Variants in MYH11 observed in about 807,000 individuals in gnomAD.
The protein encoded by MYH11 is myosin-11.
Under a neutral mutation model 246.6 loss-of-function variants are expected in MYH11, and 80 were observed. The observed-to-expected ratio is 0.32, with a 90% CI of 0.27 to 0.39. The LOEUF (loss-of-function observed/expected upper bound fraction) is 0.39. MYH11 is among the 10% of genes least tolerant of loss of function. MYH11 has a pLI of 1.00. For missense variants in MYH11, 2,158 were observed against 2,546.8 expected (o/e 0.85, Z 3.29); for synonymous variants, 1,071 against 1,015.5 (o/e 1.05, Z -1.04).
At chr16:15,773,290 A>T (rs867835266) in intron 8 of MYH11, among the ~76,000 whole-genome samples, 129 of 128,564 alleles carry the variant, frequency 1.0e-3, no homozygotes, top group East Asian at 1.8e-3. Context: ...TCCTCCAGCT[A>T]TTTTTTTTTT....
chr16:15,786,681 G>C lies in MYH11; in HGVS notation c.582C>G (p.Tyr194Ter). The change falls in exon 5 of 41, where the codon TAC (tyrosine) becomes TAG (stop). Residue 194 changes from tyrosine to a stop codon, truncating the protein, a stop_gained. Coordinates refer to ENST00000300036, the MANE Select transcript of MYH11 (RefSeq NM_002474.3). LOFTEE classifies it high-confidence loss of function. ...KTENTKKVIQYLAVVASSHKG... is the reference protein window; with the variant it reads ...KTENTKKVIQ ...TGTGGGAGGAGGCCACCACGGCCAG[G>C]TACTGAATGACCTTCTTGGTGTTTT... The C allele has an allele frequency of 6.2e-7, 1 of 1,614,164 alleles. No individual in the cohort carries two copies. Among genetic ancestry groups the C allele is most frequent in the Non-Finnish European group, 8.5e-7 (1 of 1,180,048 alleles).
At chr16:15,845,634 C>T (rs1189999820) in intron 1 of MYH11, among the ~76,000 whole-genome samples, 1 of 151,974 alleles carries the variant, frequency 6.6e-6, no homozygotes. Context: ...ATAGGAAATG[C>T]GGCAAAATAT....
At chr16:15,722,264 T>C (rs1463270966) in intron 31 of MYH11, among the ~76,000 whole-genome samples, 1 of 152,210 alleles carries the variant, frequency 6.6e-6, no homozygotes, top group Non-Finnish European at 1.5e-5. Flanking sequence ...GTTTGTTTCA[T>C]GGCCACAAGT....
intron 8 of MYH11, among the ~76,000 whole-genome samples, chr16:15,773,677 A>T (rs2042156987): frequency 6.6e-6 from 1 of 152,154 alleles, no homozygotes; most frequent in Non-Finnish European, 1.5e-5. Context: ...ATAAAGTTTT[A>T]TTGAAACACA....
intron 9 of MYH11, among the ~76,000 whole-genome samples, chr16:15,769,040 C>T (rs1002245756): frequency 1.5e-4 from 22 of 150,574 alleles, no homozygotes; most frequent in Non-Finnish European, 3.0e-4. Flanking sequence ...AGGCCAGGCA[C>T]GGTGGCTCAT....
chr16:15,831,000 CCT>C (rs2043721767), intron 2 of MYH11, among the ~76,000 whole-genome samples: 2 of 152,134 alleles, frequency 1.3e-5, no homozygotes, highest in Non-Finnish European at 2.9e-5. Flanking sequence ...GGCAAAACCC[CCT>C]CTCTACTAAA....
intron 2 of MYH11, among the ~76,000 whole-genome samples, chr16:15,833,703 G>A (rs1396742023): frequency 6.6e-6 from 1 of 152,156 alleles, no homozygotes; most frequent in Non-Finnish European, 1.5e-5. Context: ...CTTGCAGAAC[G>A]GAGGAGAAAG....
Position 15,718,495 on chromosome 16 carries a change from C to G in MYH11, c.5172-57G>C, listed in dbSNP as rs2040292409. Reference sequence around the variant, plus strand: ...TACCCTCCCCCGCCTTAAAAGATGCCCCCTCCTTGGAGTCATGCCTCAGGG... The same window carrying G: ...TACCCTCCCCCGCCTTAAAAGATGCGCCCTCCTTGGAGTCATGCCTCAGGG... On this transcript the variant is annotated intron_variant, in intron 36 of 40. Transcript: ENST00000300036. 1.8e-5 allele frequency: 27 copies of G among 1,534,710 alleles called. 2 individuals carry two copies. In the South Asian group the frequency reaches 3.1e-4, roughly 18 times the overall value.
At chr16:15,704,946 T>C (rs1283065994) in intron 40 of MYH11, among the ~76,000 whole-genome samples, 1 of 152,184 alleles carries the variant, frequency 6.6e-6, no homozygotes, top group Non-Finnish European at 1.5e-5. Context: ...CCCAAAGCGC[T>C]GGCATTACAG....
Position 15,750,160 on chromosome 16 carries a change from A to G in MYH11, c.2036T>C (p.Ile679Thr). Residue 679 changes from isoleucine to threonine, a missense_variant, in exon 16 of 41, where the codon ATC becomes ACC. Ile to Thr is a moderately conservative substitution (Grantham distance 89). Transcript: ENST00000300036. This position sits in a 1 kb window ranked among gnomAD's most constrained non-coding sequence, Gnocchi z 4.3. The stretch of plus-strand genomic sequence containing the variant: ...CACCCTCTTCTCGTGGTTGGGGATG[A>G]TGCAGCGCACGAAGTTGGGCGTGGT... ...RNTTPNFVRCIIPNHEKRSGK... is the reference protein window; with the variant it reads ...RNTTPNFVRCTIPNHEKRSGK... The G allele has an allele frequency of 1.9e-6, 3 of 1,614,194 alleles. No homozygotes were observed. Among genetic ancestry groups the G allele is most frequent in the Non-Finnish European group, 2.5e-6 (3 of 1,180,026 alleles).
chr16:15,760,814 G>C (rs911294398), intron 10 of MYH11, among the ~76,000 whole-genome samples, 156 bp from the exon 11 acceptor site: 1 of 152,184 alleles, frequency 6.6e-6, no homozygotes, highest in Admixed American at 6.5e-5. Context: ...TGTCCTAAAG[G>C]CTGCTGTCAT....
chr16:15,706,165 C>A (rs1013434567), intron 40 of MYH11, among the ~76,000 whole-genome samples: 5 of 152,080 alleles, frequency 3.3e-5, no homozygotes, highest in Admixed American at 6.6e-5. Flanking sequence ...AAAGCTGCAG[C>A]CACTTCAAAG....
At chr16:15,711,258 C>A (rs2039776496) in intron 40 of MYH11, 1 of 152,172 alleles carries the variant, frequency 6.6e-6, no homozygotes, top group Non-Finnish European at 1.5e-5. Flanking sequence ...TCCGGGCATG[C>A]CATCCGCTAA....
intron 6 of MYH11, among the ~76,000 whole-genome samples, chr16:15,779,928 C>T (rs2151300170): frequency 6.6e-6 from 1 of 152,306 alleles, no homozygotes; most frequent in African/African-American, 2.4e-5. Flanking sequence ...GGACACAATC[C>T]CCTAGGCTTG....
Position 15,724,263 on chromosome 16 carries a change from G to T in MYH11, c.4263C>A (p.Thr1421=), listed in dbSNP as rs779922185. ...KAAAYDKLEK[T]KNRLQQELDD... is the part of the protein sequence containing the mutation. ...CCAGCTCCTGCTGAAGCCTGTTCTT[G>T]GTCTTTTCCAGTTTATCATAAGCGG... The change falls in exon 31 of 41, where the codon ACC becomes ACA. Residue 1421 remains threonine (T), a synonymous_variant. Coordinates refer to ENST00000300036, the MANE Select transcript of MYH11 (RefSeq NM_002474.3). The T allele has an allele frequency of 1.2e-6, 2 of 1,614,168 alleles. No individual in the cohort carries two copies. Among genetic ancestry groups the T allele is most frequent in the Non-Finnish European group, 8.5e-7 (1 of 1,180,034 alleles).
chr16:15,766,476 A>G (rs1191024258), intron 9 of MYH11, among the ~76,000 whole-genome samples: 1 of 151,432 alleles, frequency 6.6e-6, no homozygotes, highest in Non-Finnish European at 1.5e-5. Context: ...GTTCAGGGGA[A>G]TTCTCCTGCC....
intron 3 of MYH11, among the ~76,000 whole-genome samples, chr16:15,801,166 A>ACTGCATGCCAGG (rs1212889002): frequency 2.6e-5 from 4 of 152,206 alleles, no homozygotes; most frequent in Non-Finnish European, 5.9e-5. Context: ...AGATCGTGCC[A>ACTGCATGCCAGG]CTGCATGCCA....
intron 1 of MYH11, among the ~76,000 whole-genome samples, chr16:15,849,131 T>C (rs975279488): frequency 6.6e-6 from 1 of 152,160 alleles, no homozygotes; most frequent in African/African-American, 2.4e-5. Flanking sequence ...GGTGCAATCA[T>C]AGCTTACTGC....
intron 31 of MYH11, among the ~76,000 whole-genome samples, chr16:15,722,278 T>C (rs1396902360): frequency 6.6e-6 from 1 of 152,174 alleles, no homozygotes; most frequent in African/African-American, 2.4e-5. Flanking sequence ...CACAAGTAGC[T>C]ATTAATATCT....
Sources: gnomAD v4.1 joint callset for allele counts (sites outside exome capture counted in the v4.1 genomes callset) on GRCh38, gnomAD v4.1.1 for gene constraint, Gnocchi (gnomAD v3.1) non-coding constraint, MANE v1.5 for transcripts, NCBI Gene and HGNC (gene_info 2026-07-23, HGNC 2026-07-21) for gene names.